Variants in ADARB1 observed in about 807,000 individuals in gnomAD.
ADARB1 encodes double-stranded RNA-specific editase 1.
A neutral mutation model predicts 52.4 loss-of-function variants in ADARB1; 10 were observed. The observed-to-expected ratio is 0.19, with a 90% CI of 0.12 to 0.32. The LOEUF is 0.32. Among genes scored for constraint, ADARB1 ranks in the 10% least tolerant of loss-of-function variants. ADARB1 has a pLI of 1.00. For missense variants in ADARB1, 643 were observed against 922.3 expected (o/e 0.70, Z 3.92); for synonymous variants, 349 against 371.1 (o/e 0.94, Z 0.68).
At chr21:45,105,868 GT>G (rs2087229908) in intron 1 of ADARB1, among the ~76,000 whole-genome samples, 1 of 152,334 alleles carries the variant, frequency 6.6e-6, no homozygotes, top group Non-Finnish European at 1.5e-5. Context: ...TTATGAACTT[GT>G]TGAGTGAGTT....
At chr21:45,191,878 ATATTTTTTTTTTTTTTT>A (rs1346600946) in intron 8 of ADARB1, among the ~76,000 whole-genome samples, 694 of 15,292 alleles carry the variant, frequency 0.045, 1 homozygote, top group South Asian at 0.079. Flanking sequence ...ATATATATAT[ATATTTTTTTTTTTTTTT>A]TTTTTTTTTT....
Position 45,128,299 on chromosome 21 carries a change from A to G in ADARB1, c.-219-103A>G, listed in dbSNP as rs1399046487. On this transcript the variant is annotated intron_variant, in intron 1 of 10. Coordinates refer to ENST00000348831, the MANE Select transcript of ADARB1 (RefSeq NM_001112.4). The surrounding 1 kb of genome is among the most constrained non-coding windows in gnomAD (Gnocchi z 4.6). ...TAAATTTGTATTTAGAAGACTTTTC[A>G]TGGAGAGTATTTATTGTTATAGAGT... is the stretch of plus-strand genomic sequence containing the variant. The G allele has an allele frequency of 6.6e-6, 1 of 152,230 alleles. No individual in the cohort carries two copies. Among genetic ancestry groups the G allele is most frequent in the Non-Finnish European group, 1.5e-5 (1 of 68,034 alleles). The allele number at this position is 152,230 out of a possible 1,614,324, so 9.4% of individuals were successfully genotyped here.
intron 4 of ADARB1, among the ~76,000 whole-genome samples, chr21:45,180,035 G>T (rs950757117): frequency 2.0e-5 from 3 of 152,252 alleles, no homozygotes; most frequent in African/African-American, 7.2e-5. Flanking sequence ...GGGCCGGGCT[G>T]GCCTGCGGTG....
chr21:45,077,445 C>CACG (rs1309603204), intron 1 of ADARB1, among the ~76,000 whole-genome samples: 3 of 152,202 alleles, frequency 2.0e-5, no homozygotes, highest in Admixed American at 6.5e-5. Flanking sequence ...GCGGGTAGAT[C>CACG]ACGAGGTCAG....
intron 1 of ADARB1, among the ~76,000 whole-genome samples, chr21:45,119,490 C>A (rs957019029): frequency 6.6e-6 from 1 of 152,180 alleles, no homozygotes; most frequent in Non-Finnish European, 1.5e-5. Context: ...ATCAAAGAAT[C>A]GGGATGAAAT....
rs375341807 is a variant in ADARB1, at chr21:45,175,760, G to T, written c.59G>T (p.Arg20Leu). ...AGCAGCACTGATGTGAAGGAAAACC[G>T]CAATCTGGACAACGTGTCCCCCAAG... The part of the protein sequence containing the change: ...SSSSTDVKEN[R>L]NLDNVSPKDG... The change falls in exon 4 of 11, where the codon CGC (arginine) becomes CTC (leucine). Residue 20 changes from arginine (R) to leucine (L), a missense_variant. Transcript: ENST00000348831. 1.9e-5 allele frequency: 30 copies of T among 1,614,070 alleles called. No individual in the cohort carries two copies. The highest frequency in any genetic ancestry group is 2.3e-5 in the Non-Finnish European group (27 of 1,179,974).
chr21:45,129,045 A>G (rs1320726871), intron 2 of ADARB1, among the ~76,000 whole-genome samples: 2 of 152,164 alleles, frequency 1.3e-5, no homozygotes, highest in African/African-American at 4.8e-5. Flanking sequence ...AGCCTGGCCA[A>G]CGTGACGAAA....
intron 2 of ADARB1, among the ~76,000 whole-genome samples, chr21:45,134,235 G>GGGTGTGTGCCCGACAGT (rs1425807072): frequency 0.24 from 2,011 of 8,420 alleles, 793 homozygotes; most frequent in Non-Finnish European, 0.36. Context: ...TGCGCCCGCC[G>GGGTGTGTGCCCGACAGT]GGTGTGTGCC....
At chr21:45,179,940 T>C (rs981164520) in intron 4 of ADARB1, among the ~76,000 whole-genome samples, 2 of 149,424 alleles carry the variant, frequency 1.3e-5, no homozygotes, top group African/African-American at 2.5e-5. Context: ...GCAAGGGGGG[T>C]GGGAGGGCCA....
chr21:45,218,118 T>C (rs2092901235), intron 9 of ADARB1, among the ~76,000 whole-genome samples: 1 of 152,212 alleles, frequency 6.6e-6, no homozygotes, highest in Admixed American at 6.5e-5. Context: ...AAATTTTTTA[T>C]TCATCTTTCT....
At chr21:45,166,759 CT>C (rs1177744893) in intron 2 of ADARB1, among the ~76,000 whole-genome samples, 1 of 152,210 alleles carries the variant, frequency 6.6e-6, no homozygotes, top group African/African-American at 2.4e-5. Context: ...AGTCTCAGGT[CT>C]TCTGCAGTCA....
chr21:45,223,921 C>T lies in ADARB1; in HGVS notation c.*1724C>T, dbSNP rs1394315323. 1.4e-5 allele frequency: 14 copies of T among 985,568 alleles called. No homozygotes were observed. The highest frequency in any genetic ancestry group is 1.7e-5 in the Non-Finnish European group (14 of 830,110). The allele number at this position is 985,568 out of a possible 1,614,324, so 61.1% of individuals were successfully genotyped here. On this transcript the variant is annotated 3_prime_UTR_variant, in exon 11 of 11. Coordinates refer to ENST00000348831, the MANE Select transcript of ADARB1 (RefSeq NM_001112.4). ...GCTAGAACATCTGCCCCACAGCAGC[C>T]TCCTCCTCCACCGAAGAGGGTAGTT...
At chr21:45,185,763 T>C (rs1337873956) in intron 8 of ADARB1, among the ~76,000 whole-genome samples, 1 of 152,218 alleles carries the variant, frequency 6.6e-6, no homozygotes, top group Non-Finnish European at 1.5e-5. Context: ...AAAAAAAAAG[T>C]AACATAAGCA....
At position 45,224,212 on chromosome 21, in the gene ADARB1, A is replaced by G; in HGVS notation, c.*2015A>G. On this transcript the variant is annotated 3_prime_UTR_variant, in exon 11 of 11. Coordinates refer to ENST00000348831, the MANE Select transcript of ADARB1 (RefSeq NM_001112.4). ...AAAAATATGTGGATTTTGGTTACCA[A>G]GTTTAGTGTTAATATATTCCATATA... The G allele has an allele frequency of 1.0e-6, 1 of 985,450 alleles. No individual in the cohort carries two copies. Among genetic ancestry groups the G allele is most frequent in the Non-Finnish European group, 1.2e-6 (1 of 829,950 alleles). 61.0% of individuals were successfully genotyped at this position (985,450 alleles called of 1,614,324 possible).
At chr21:45,081,399 T>C (rs1424698779) in intron 1 of ADARB1, among the ~76,000 whole-genome samples, 2 of 152,242 alleles carry the variant, frequency 1.3e-5, no homozygotes, top group Non-Finnish European at 2.9e-5. Context: ...TGGCATAGCA[T>C]TCAATAAATT....
intron 2 of ADARB1, chr21:45,145,381 C>G (rs1044038834): frequency 6.6e-6 from 1 of 152,458 alleles, no homozygotes; most frequent in African/African-American, 2.4e-5. Flanking sequence ...GCAGGGCACC[C>G]GTGTAGGAAT....
chr21:45,113,486 T>A lies in ADARB1; in HGVS notation c.-219-14916T>A, dbSNP rs1323902796. Among the ~76,000 whole-genome samples the A allele has an allele frequency of 7.8e-5, 10 of 128,312 alleles. 1 individual carries two copies. The highest frequency in any genetic ancestry group is 1.7e-5 in the Non-Finnish European group (1 of 58,972). The allele number at this position is 128,312 out of a possible 152,430, so 84.2% of individuals were successfully genotyped here. Reference sequence around the variant, plus strand: ...GTGTGTGTATATATATATATGTGTGTGTGTGTATATATGTGTGTGTGTGTG... The same window carrying A: ...GTGTGTGTATATATATATATGTGTGAGTGTGTATATATGTGTGTGTGTGTG... On this transcript the variant is annotated intron_variant, in intron 1 of 10. Coordinates refer to ENST00000348831, the MANE Select transcript of ADARB1 (RefSeq NM_001112.4).
intron 1 of ADARB1, among the ~76,000 whole-genome samples, chr21:45,076,189 G>A (rs1282162657): frequency 6.6e-6 from 1 of 152,206 alleles, no homozygotes; most frequent in Non-Finnish European, 1.5e-5. Context: ...GAGGGGAAAG[G>A]GAGAAGGAAG....
chr21:45,141,842 G>T (rs915584835), intron 2 of ADARB1, among the ~76,000 whole-genome samples: 4 of 149,978 alleles, frequency 2.7e-5, no homozygotes, highest in Admixed American at 6.6e-5. Context: ...TCCCTGGGTC[G>T]CCTTAGCCAC....
Sources: allele counts gnomAD v4.1 joint callset (sites outside exome capture counted in the v4.1 genomes callset), GRCh38; gene constraint gnomAD v4.1.1; non-coding constraint Gnocchi (gnomAD v3.1); transcripts MANE v1.5; gene names NCBI Gene and HGNC (gene_info 2026-07-23, HGNC 2026-07-21).